The following SYT16 variants were observed in gnomAD, a reference collection of about 807,000 sequenced individuals.
The protein encoded by SYT16 is synaptotagmin 16.
A neutral mutation model predicts 61.4 loss-of-function variants in SYT16; 42 were observed. The observed-to-expected ratio is 0.68, with a 90% CI of 0.53 to 0.89. SYT16 has a LOEUF of 0.89. Ranked by LOEUF, SYT16 falls within the 40% of genes least tolerant of loss-of-function variation. SYT16 has a pLI of 0.00. For missense variants in SYT16, 804 were observed against 807.3 expected, an observed-to-expected ratio of 1.00 and a Z score of 0.05; for synonymous variants, 314 against 302.3, an observed-to-expected ratio of 1.04 and a Z score of -0.40.
At chr14:61,891,231 T>TAC (rs1232985058) in intron 1 of SYT16, among the ~76,000 whole-genome samples, 2 of 115,022 alleles carry the variant, frequency 1.7e-5, no homozygotes, top group Admixed American at 9.2e-5. Context: ...TGCACGTGCA[T>TAC]ACACACACGC....
At chr14:61,952,128 G>A (rs2050696507) in intron 1 of SYT16, among the ~76,000 whole-genome samples, 1 of 146,832 alleles carries the variant, frequency 6.8e-6, no homozygotes, top group South Asian at 2.1e-4. Flanking sequence ...TGATATTCAT[G>A]CTGATTTTTT....
chr14:62,041,033 C>T (rs965648228), intron 3 of SYT16, among the ~76,000 whole-genome samples: 4 of 152,130 alleles, frequency 2.6e-5, no homozygotes, highest in East Asian at 1.9e-4. Flanking sequence ...GAAGCCAGTC[C>T]GAGTTCGAAA....
intron 1 of SYT16, among the ~76,000 whole-genome samples, chr14:61,892,313 C>T (rs149912216): frequency 6.6e-6 from 1 of 152,198 alleles, no homozygotes; most frequent in East Asian, 1.9e-4. Context: ...CCACCTCTAG[C>T]TGCTACTCTC....
intron 1 of SYT16, among the ~76,000 whole-genome samples, chr14:61,826,969 C>T (rs551151628): frequency 1.3e-5 from 2 of 152,024 alleles, no homozygotes; most frequent in South Asian, 2.1e-4. Context: ...TTCCACTCTG[C>T]GGAAGCCCAC....
intron 1 of SYT16, among the ~76,000 whole-genome samples, chr14:61,914,237 G>A (rs979708276): frequency 6.6e-6 from 1 of 152,076 alleles, no homozygotes; most frequent in Non-Finnish European, 1.5e-5. Context: ...TCTTTGCTAG[G>A]CAAAACTCCA....
At chr14:61,958,467 A>AT (rs2050973836) in intron 1 of SYT16, among the ~76,000 whole-genome samples, 2 of 151,570 alleles carry the variant, frequency 1.3e-5, no homozygotes, top group African/African-American at 4.8e-5. Context: ...CGTATGTTGT[A>AT]TTTTTTGTGT....
At chr14:61,885,807 A>G (rs575017031) in intron 1 of SYT16, among the ~76,000 whole-genome samples, 74 of 152,340 alleles carry the variant, frequency 4.9e-4, no homozygotes, top group Non-Finnish European at 8.8e-4. Context: ...CTTAAGAAGT[A>G]CATACCTTAA....
At chr14:62,048,410 A>G (rs920877650) in intron 3 of SYT16, among the ~76,000 whole-genome samples, 38 of 151,794 alleles carry the variant, frequency 2.5e-4, no homozygotes, top group Non-Finnish European at 4.0e-4. Flanking sequence ...AATTTTGTTG[A>G]TCTTTTCAAA....
At chr14:61,915,360 A>T (rs936483047) in intron 1 of SYT16, among the ~76,000 whole-genome samples, 1 of 152,182 alleles carries the variant, frequency 6.6e-6, no homozygotes, top group Non-Finnish European at 1.5e-5. Flanking sequence ...AATATGTAAT[A>T]TAGATGTATG....
At chr14:61,913,818 G>C (rs180798578) in intron 1 of SYT16, among the ~76,000 whole-genome samples, 32 of 151,172 alleles carry the variant, frequency 2.1e-4, no homozygotes, top group East Asian at 1.8e-3. Context: ...TAAGAAAAAG[G>C]CTCATTCAGT....
At chr14:61,952,705 A>G (rs1323566523) in intron 1 of SYT16, among the ~76,000 whole-genome samples, 5 of 151,974 alleles carry the variant, frequency 3.3e-5, no homozygotes, top group Admixed American at 2.0e-4. Flanking sequence ...GTTGCTAGTG[A>G]CTCCATATGT....
At chr14:61,822,948 C>T (rs746595520) in intron 1 of SYT16, among the ~76,000 whole-genome samples, 4 of 152,054 alleles carry the variant, frequency 2.6e-5, no homozygotes, top group Non-Finnish European at 4.4e-5. Flanking sequence ...ATTATATGGG[C>T]ATAGGGTATT....
At chr14:61,936,738 T>C (rs113973754) in intron 1 of SYT16, among the ~76,000 whole-genome samples, 14 of 152,296 alleles carry the variant, frequency 9.2e-5, no homozygotes, top group Middle Eastern at 3.4e-3. Context: ...TTCCTTTACA[T>C]GATTGCCTTA....
chr14:61,878,322 A>C (rs2047572999), intron 1 of SYT16, among the ~76,000 whole-genome samples: 1 of 152,336 alleles, frequency 6.6e-6, no homozygotes, highest in South Asian at 2.1e-4. Flanking sequence ...TTGCTCAGTT[A>C]TGTAAACGTC....
At chr14:61,855,352 C>T (rs774085879) in intron 1 of SYT16, among the ~76,000 whole-genome samples, 5 of 152,090 alleles carry the variant, frequency 3.3e-5, no homozygotes, top group East Asian at 1.9e-4. Flanking sequence ...ATCAACCCAT[C>T]GTAAGTTGAA....
chr14:62,084,520 A>T (rs2056822272), intron 7 of SYT16, 135 bp downstream of exon 7: 4 of 948,710 alleles, frequency 4.2e-6, no homozygotes, highest in Non-Finnish European at 6.1e-6. Context: ...TCACAAAGAG[A>T]TACCTCTGTA....
intron 1 of SYT16, among the ~76,000 whole-genome samples, chr14:61,887,397 A>G (rs914059889): frequency 1.3e-5 from 2 of 152,204 alleles, no homozygotes; most frequent in African/African-American, 4.8e-5. Flanking sequence ...ACTGGCTTCA[A>G]TTTAGTCACC....
chr14:61,951,676 A>G (rs535162923), intron 1 of SYT16, among the ~76,000 whole-genome samples: 8 of 152,154 alleles, frequency 5.3e-5, no homozygotes, highest in African/African-American at 1.9e-4. Context: ...AAATTGCCCC[A>G]TTGACTCAAC....
chr14:62,077,708 A>G (rs1427692592), intron 5 of SYT16: 1 of 152,232 alleles, frequency 6.6e-6, no homozygotes, highest in Non-Finnish European at 1.5e-5. Context: ...ATTAATTGCT[A>G]TGAAAATACC....
Sources: gnomAD v4.1 joint callset for allele counts (sites outside exome capture counted in the v4.1 genomes callset) on GRCh38, gnomAD v4.1.1 for gene constraint, MANE v1.5 for transcripts, NCBI Gene and HGNC (gene_info 2026-07-23, HGNC 2026-07-21) for gene names.